CSMD1: variants seen among roughly 807,000 people sequenced by gnomAD.
CSMD1 encodes the protein CUB and sushi domain-containing protein 1.
A neutral mutation model predicts 417.5 loss-of-function variants in CSMD1; 213 were observed. The ratio of observed to expected loss-of-function variants is 0.51; its 90% CI spans 0.46 to 0.57. The LOEUF (loss-of-function observed/expected upper bound fraction) is 0.57, where lower values mean the gene tolerates loss of function less well. Ranked by LOEUF, CSMD1 falls within the 20% of genes least tolerant of loss-of-function variation. CSMD1 has a pLI of 0.00. For synonymous variants in CSMD1, 2,862 were observed against 1,736.8 expected, an observed-to-expected ratio of 1.65 and a Z score of -16.11; for missense variants, 6,923 against 4,529.7, an observed-to-expected ratio of 1.53 and a Z score of -15.17.
At chr8:3,821,488 A>C (rs192837236) in intron 5 of CSMD1, among the ~76,000 whole-genome samples, 1 of 146,102 alleles carries the variant, frequency 6.8e-6, no homozygotes, top group Admixed American at 6.8e-5. Flanking sequence ...TGGCTCCATT[A>C]AAGTCTACCA....
chr8:4,796,023 G>C (rs1418392288), intron 1 of CSMD1, among the ~76,000 whole-genome samples: 3 of 152,126 alleles, frequency 2.0e-5, no homozygotes, highest in Admixed American at 1.3e-4. Context: ...CTAAGGGCAA[G>C]GCTTCAGGTA....
intron 26 of CSMD1, among the ~76,000 whole-genome samples, chr8:3,239,768 C>T (rs567539162): frequency 2.6e-5 from 4 of 151,930 alleles, no homozygotes; most frequent in African/African-American, 7.3e-5. Context: ...ATAAACCAAG[C>T]GTGATGAGGG....
At chr8:4,874,499 C>T (rs529098569) in intron 1 of CSMD1, among the ~76,000 whole-genome samples, 1 of 150,838 alleles carries the variant, frequency 6.6e-6, no homozygotes, top group African/African-American at 2.4e-5. Context: ...AAGCAGTTCT[C>T]CTGCCTCAGC....
intron 5 of CSMD1, among the ~76,000 whole-genome samples, chr8:3,828,617 T>C (rs1802192395): frequency 6.6e-6 from 1 of 152,150 alleles, no homozygotes; most frequent in African/African-American, 2.4e-5. Flanking sequence ...TTTCTTCCTG[T>C]CCCAATCCCA....
At chr8:3,930,824 TAAAAC>T (rs760293398) in intron 5 of CSMD1, among the ~76,000 whole-genome samples, 9 of 150,814 alleles carry the variant, frequency 6.0e-5, no homozygotes, top group Admixed American at 2.6e-4. Context: ...AATTTGCACT[TAAAAC>T]AAAATAAAGT....
At chr8:4,655,044 A>AT (rs1429852304) in intron 1 of CSMD1, among the ~76,000 whole-genome samples, 1 of 151,906 alleles carries the variant, frequency 6.6e-6, no homozygotes, top group East Asian at 1.9e-4. Context: ...CCAAAAAAAA[A>AT]AAAAGCTTAA....
chr8:3,003,283 A>T (rs1440831218), intron 52 of CSMD1, among the ~76,000 whole-genome samples: 2 of 152,178 alleles, frequency 1.3e-5, no homozygotes, highest in African/African-American at 2.4e-5. Context: ...TTAAGATTCT[A>T]TTAGTCTATG....
chr8:4,699,304 C>G (rs1282179057), intron 1 of CSMD1, among the ~76,000 whole-genome samples: 1 of 152,204 alleles, frequency 6.6e-6, no homozygotes, highest in African/African-American at 2.4e-5. Flanking sequence ...CTGTTTCTAG[C>G]AGAGTGCTTT....
chr8:3,687,729 C>G (rs934960905), intron 7 of CSMD1, among the ~76,000 whole-genome samples: 1 of 152,164 alleles, frequency 6.6e-6, no homozygotes, highest in Non-Finnish European at 1.5e-5. Context: ...AAGCACGCTG[C>G]TATCTTGAAG....
chr8:4,549,234 C>T (rs1423508352), intron 2 of CSMD1, among the ~76,000 whole-genome samples: 2 of 152,066 alleles, frequency 1.3e-5, no homozygotes, highest in East Asian at 1.9e-4. Flanking sequence ...TGTTATCAAC[C>T]CTACCATATT....
chr8:4,456,619 T>C (rs1000564818), intron 2 of CSMD1, among the ~76,000 whole-genome samples: 1 of 152,094 alleles, frequency 6.6e-6, no homozygotes, highest in African/African-American at 2.4e-5. Flanking sequence ...AGAGGCAATA[T>C]TAAACATATT....
At chr8:3,787,250 G>C in intron 5 of CSMD1, among the ~76,000 whole-genome samples, 1 of 152,164 alleles carries the variant, frequency 6.6e-6, no homozygotes, top group African/African-American at 2.4e-5. Context: ...AAAAGAATTT[G>C]AAAAAACTTG....
At chr8:4,166,974 G>T (rs1261733699) in intron 3 of CSMD1, among the ~76,000 whole-genome samples, 1 of 152,188 alleles carries the variant, frequency 6.6e-6, no homozygotes, top group Non-Finnish European at 1.5e-5. Flanking sequence ...TGAAGGCACT[G>T]TGCTTTCTGC....
chr8:4,510,390 TAAAAAAAAAA>T lies in CSMD1; in HGVS notation c.303-90335_303-90326del, dbSNP rs34791623. 2.1e-3 allele frequency among the ~76,000 whole-genome samples: 113 copies of T among 54,634 alleles called. No homozygotes were observed. The East Asian group carries it at 0.026, about 13-fold the overall frequency. 35.8% of individuals were successfully genotyped at this position (54,634 alleles called of 152,430 possible). ...GTAGACAATTAAAAAGCATAATGCC[TAAAAAAAAAA>T]AAAAAAAAAAAAAAAAAAAAAAGCA... On this transcript the variant is annotated intron_variant, in intron 2 of 69. Transcript: ENST00000635120.
chr8:3,227,034 G>C (rs1274325754), intron 27 of CSMD1, among the ~76,000 whole-genome samples: 3 of 152,080 alleles, frequency 2.0e-5, no homozygotes, highest in African/African-American at 4.8e-5. Flanking sequence ...GGTGTTTTCT[G>C]TGAGTCAGAG....
In CSMD1 at chr8:3,925,369, G is replaced by A. The variant is rs375874851; in HGVS notation, c.818+72534C>T. ...CTATTTTAATTAGAAATATTCAAAT[G>A]ACAATTTAATATTAAGTGTACTTTA... is the stretch of plus-strand genomic sequence containing the variant. On this transcript the variant is annotated intron_variant, in intron 5 of 69. Transcript: ENST00000635120. Among the ~76,000 whole-genome samples the A allele has an allele frequency of 4.6e-5, 7 of 152,192 alleles. No individual in the cohort carries two copies. The South Asian group carries it at 1.5e-3, about 32-fold the overall frequency.
chr8:3,297,894 G>GA (rs1165741454), intron 25 of CSMD1, among the ~76,000 whole-genome samples: 25 of 152,198 alleles, frequency 1.6e-4, no homozygotes, highest in Admixed American at 1.4e-3. Context: ...AAAAACCTGT[G>GA]TTTATCAAAA....
At chr8:4,061,210 C>T (rs554684142) in intron 3 of CSMD1, among the ~76,000 whole-genome samples, 74 of 152,244 alleles carry the variant, frequency 4.9e-4, no homozygotes, top group South Asian at 3.9e-3. Flanking sequence ...TTTTAGGAAC[C>T]CAGCCCTGCT....
intron 3 of CSMD1, among the ~76,000 whole-genome samples, chr8:4,330,714 T>C (rs1375709242): frequency 6.6e-6 from 1 of 152,210 alleles, no homozygotes; most frequent in Non-Finnish European, 1.5e-5. Flanking sequence ...AGGTTGAGGA[T>C]ACCCCAATCA....
Sources: gnomAD v4.1 joint callset for allele counts (sites outside exome capture counted in the v4.1 genomes callset) on GRCh38, gnomAD v4.1.1 for gene constraint, MANE v1.5 for transcripts, NCBI Gene and HGNC (gene_info 2026-07-23, HGNC 2026-07-21) for gene names.